Variants in SSH2 observed in about 807,000 individuals in gnomAD.
SSH2 encodes the protein slingshot protein phosphatase 2.
Under a neutral mutation model 135.2 loss-of-function variants are expected in SSH2, and 37 were observed. That is an observed-to-expected ratio of 0.27 (90% CI 0.21 to 0.36). The LOEUF (loss-of-function observed/expected upper bound fraction) is 0.36. Among genes scored for constraint, SSH2 ranks in the 10% least tolerant of loss-of-function variants. The pLI is 1.00. For synonymous variants in SSH2, 628 were observed against 646.2 expected, an observed-to-expected ratio of 0.97 and a Z score of 0.43; for missense variants, 1,408 against 1,765.3, an observed-to-expected ratio of 0.80 and a Z score of 3.63.
At chr17:29,845,284 T>G (rs1410550612) in intron 2 of SSH2, among the ~76,000 whole-genome samples, 2 of 152,244 alleles carry the variant, frequency 1.3e-5, no homozygotes, top group African/African-American at 4.8e-5. Flanking sequence ...TCAATCATTT[T>G]GCTCTGCAAA....
intron 5 of SSH2, among the ~76,000 whole-genome samples, chr17:29,694,482 A>G (rs1032811969): frequency 3.3e-5 from 5 of 152,198 alleles, no homozygotes; most frequent in African/African-American, 1.2e-4. Context: ...CAGCCTGTCC[A>G]ATACGGTGAA....
intron 12 of SSH2, among the ~76,000 whole-genome samples, chr17:29,653,253 T>G (rs1244718403): frequency 6.6e-6 from 1 of 152,240 alleles, no homozygotes; most frequent in Non-Finnish European, 1.5e-5. Flanking sequence ...TTAAGTCATC[T>G]ATAGGCAGCA....
intron 3 of SSH2, chr17:29,761,026 G>T (rs939944131): frequency 1.9e-6 from 2 of 1,047,700 alleles, no homozygotes; most frequent in African/African-American, 3.3e-5. Flanking sequence ...GAGACCTCCA[G>T]GCAAGCAGGA....
chr17:29,878,391 C>T (rs1188767929), intron 1 of SSH2, among the ~76,000 whole-genome samples: 4 of 152,178 alleles, frequency 2.6e-5, no homozygotes, highest in Middle Eastern at 3.2e-3. Context: ...TGTGCCATTG[C>T]ACTCCAGCCT....
intron 3 of SSH2, among the ~76,000 whole-genome samples, chr17:29,754,171 G>T (rs1331800332): frequency 6.6e-6 from 1 of 152,150 alleles, no homozygotes; most frequent in Admixed American, 6.5e-5. Flanking sequence ...ATCATCATCA[G>T]CATCATCTAG....
chr17:29,847,812 C>T (rs1002618643), intron 2 of SSH2, among the ~76,000 whole-genome samples: 2 of 152,202 alleles, frequency 1.3e-5, no homozygotes, highest in African/African-American at 4.8e-5. Context: ...TGACAGTTTA[C>T]AAATGCCATG....
At chr17:29,810,038 G>T (rs925515312) in intron 2 of SSH2, among the ~76,000 whole-genome samples, 1 of 152,086 alleles carries the variant, frequency 6.6e-6, no homozygotes, top group Non-Finnish European at 1.5e-5. Flanking sequence ...TTGAAGGCAG[G>T]AACTGTCTCT....
rs1019048649 is a variant in SSH2, at chr17:29,655,111, C to CT, written c.1079+449dup. 8.5e-4 allele frequency among the ~76,000 whole-genome samples: 126 copies of CT among 149,070 alleles called. 1 individual carries two copies. The Middle Eastern group carries it at 0.01, about 12-fold the overall frequency. ...AGGGAGAATAGCTGTTTTTCTTTTT[C>CT]TTTTTTTTTTGAGATGGTGTCTCGC... On this transcript the variant is annotated intron_variant, in intron 12 of 15. Transcript: ENST00000540801.
Position 29,893,965 on chromosome 17 carries a change from T to A in SSH2, c.63+35973A>T, listed in dbSNP as rs1288387672. The stretch of plus-strand genomic sequence containing the variant: ...GATTTTCCTTCATTAGTCTCCCAAA[T>A]GTCCCATTCCCCAAAAGTCTATCTT... On this transcript the variant is annotated intron_variant, in intron 1 of 15. Coordinates refer to ENST00000540801, the MANE Select transcript of SSH2 (RefSeq NM_001282129.2). 2.0e-5 allele frequency among the ~76,000 whole-genome samples: 3 copies of A among 152,126 alleles called. No homozygotes were observed. The East Asian group carries it at 5.8e-4, about 29-fold the overall frequency.
At chr17:29,709,054 CTAA>C (rs1331664295) in intron 3 of SSH2, among the ~76,000 whole-genome samples, 5 of 70,658 alleles carry the variant, frequency 7.1e-5, no homozygotes, top group Non-Finnish European at 1.6e-4. Context: ...AGAGAGAGAG[CTAA>C]TAATAGCTAA....
intron 2 of SSH2, among the ~76,000 whole-genome samples, chr17:29,844,257 G>C (rs1186013923): frequency 6.6e-6 from 1 of 152,148 alleles, no homozygotes; most frequent in African/African-American, 2.4e-5. Context: ...TGCCTGTTTG[G>C]TTGGGTAGGG....
rs75853868 is a variant in SSH2, at chr17:29,711,791, T to A, written c.189-8729A>T. On this transcript the variant is annotated intron_variant, in intron 3 of 15. Coordinates refer to ENST00000540801, the MANE Select transcript of SSH2 (RefSeq NM_001282129.2). ...CTCCCCTGGGACCATACCCCATTAT[T>A]CGTACTGCTTTAGATACATGGGGAG... Among the ~76,000 whole-genome samples the A allele has an allele frequency of 1.1e-3, 164 of 152,324 alleles. 1 individual carries two copies. Among genetic ancestry groups the A allele is most frequent in the African/African-American group, 3.8e-3 (156 of 41,576 alleles).
chr17:29,917,108 G>A (rs1003588969), intron 1 of SSH2, among the ~76,000 whole-genome samples: 1 of 151,766 alleles, frequency 6.6e-6, no homozygotes, highest in African/African-American at 2.4e-5. Flanking sequence ...AATAGGTGAG[G>A]GGCAAATACC....
At chr17:29,850,562 C>T (rs1172235508) in intron 1 of SSH2, among the ~76,000 whole-genome samples, 1 of 152,088 alleles carries the variant, frequency 6.6e-6, no homozygotes, top group African/African-American at 2.4e-5. Context: ...TCCTGGTTTA[C>T]TTCCTTCTCA....
intron 1 of SSH2, chr17:29,882,967 T>A (rs2066166607): frequency 6.6e-6 from 1 of 152,108 alleles, no homozygotes; most frequent in African/African-American, 2.4e-5. Context: ...CCCAGCCCAA[T>A]TTTTTTCTTA....
intron 3 of SSH2, among the ~76,000 whole-genome samples, chr17:29,762,252 C>G (rs754512113): frequency 5.9e-5 from 9 of 152,048 alleles, no homozygotes; most frequent in Non-Finnish European, 1.3e-4. Flanking sequence ...TCGATAACAT[C>G]TACTAATGTT....
intron 14 of SSH2, among the ~76,000 whole-genome samples, chr17:29,644,495 G>C (rs1366585817): frequency 6.6e-6 from 1 of 152,130 alleles, no homozygotes; most frequent in Non-Finnish European, 1.5e-5. Context: ...TGCCACACTT[G>C]TAAATAGTCC....
chr17:29,777,013 A>G (rs1011107392), intron 3 of SSH2, among the ~76,000 whole-genome samples: 8 of 152,046 alleles, frequency 5.3e-5, no homozygotes, highest in Non-Finnish European at 1.2e-4. Flanking sequence ...GGAGTTCAAG[A>G]CCAGCCTGGC....
At chr17:29,854,224 T>C (rs1280449976) in intron 1 of SSH2, among the ~76,000 whole-genome samples, 1 of 151,980 alleles carries the variant, frequency 6.6e-6, no homozygotes, top group Non-Finnish European at 1.5e-5. Context: ...CAATGAGTCA[T>C]TCATTGCCAT....
Sources: gnomAD v4.1 joint callset for allele counts (sites outside exome capture counted in the v4.1 genomes callset) on GRCh38, gnomAD v4.1.1 for gene constraint, MANE v1.5 for transcripts, NCBI Gene and HGNC (gene_info 2026-07-23, HGNC 2026-07-21) for gene names.